LRP1B: variants seen among roughly 807,000 people sequenced by gnomAD.
The protein encoded by LRP1B is low-density lipoprotein receptor-related protein 1B.
Under a neutral mutation model 556.6 loss-of-function variants are expected in LRP1B, and 217 were observed. The observed-to-expected ratio is 0.39, with a 90% CI of 0.35 to 0.44. LRP1B has a LOEUF of 0.44. Ranked by LOEUF, LRP1B falls within the 20% of genes least tolerant of loss-of-function variation. LRP1B has a pLI of 1.00. For missense variants in LRP1B, 5,053 were observed against 5,620.8 expected, an observed-to-expected ratio of 0.90 and a Z score of 3.23; for synonymous variants, 2,047 against 1,865.8, an observed-to-expected ratio of 1.10 and a Z score of -2.50.
rs764523206 is a variant in LRP1B, at chr2:140,364,830, G to C, written c.11009-47C>G. 4.4e-6 allele frequency: 7 copies of C among 1,578,902 alleles called. No individual in the cohort carries two copies. The East Asian group carries it at 1.6e-4, about 36-fold the overall frequency. ...AACAAAGAGATTCAGAGTAATCAGT[G>C]CCAGTCAGCAGGATCCATATTCTTC... is the stretch of plus-strand genomic sequence containing the variant. On this transcript the variant is annotated intron_variant, in intron 71 of 90. Transcript: ENST00000389484.
intron 32 of LRP1B, among the ~76,000 whole-genome samples, chr2:140,776,625 A>G (rs1490855438): frequency 6.6e-6 from 1 of 152,034 alleles, no homozygotes; most frequent in Non-Finnish European, 1.5e-5. Flanking sequence ...GTATTTGTAA[A>G]TAAATGGCAA....
chr2:140,315,121 C>T (rs2105037190), intron 82 of LRP1B, 22 bp from the exon 83 acceptor site: 1 of 1,531,866 alleles, frequency 6.5e-7, no homozygotes, highest in Non-Finnish European at 8.9e-7. Context: ...AAGAAATGTA[C>T]AAATTAGCAT....
chr2:141,828,949 G>T (rs1184604767), intron 1 of LRP1B, among the ~76,000 whole-genome samples: 1 of 152,170 alleles, frequency 6.6e-6, no homozygotes, highest in East Asian at 1.9e-4. Flanking sequence ...CCTCGGTCCA[G>T]CCACTGAACT....
At chr2:142,023,132 C>T (rs556409663) in intron 1 of LRP1B, among the ~76,000 whole-genome samples, 1 of 152,300 alleles carries the variant, frequency 6.6e-6, no homozygotes, top group African/African-American at 2.4e-5. Context: ...TTTCTATCAA[C>T]AACCTTACCC....
At chr2:141,916,932 T>G (rs78070774) in intron 1 of LRP1B, among the ~76,000 whole-genome samples, 3,155 of 152,162 alleles carry the variant, frequency 0.021, 41 homozygotes, top group Non-Finnish European at 0.031. Context: ...AAGTTGAAAT[T>G]GTAAAAAACA....
intron 25 of LRP1B, among the ~76,000 whole-genome samples, chr2:140,871,499 A>G (rs1476398033): frequency 1.3e-5 from 2 of 152,298 alleles, no homozygotes; most frequent in East Asian, 1.9e-4. Context: ...GATTAATTTT[A>G]TGAAGCAAAC....
intron 18 of LRP1B, among the ~76,000 whole-genome samples, chr2:140,956,785 G>A (rs943134700): frequency 6.6e-6 from 1 of 151,696 alleles, no homozygotes. Context: ...AGGTAAATGT[G>A]GGTTCAAATC....
intron 68 of LRP1B, among the ~76,000 whole-genome samples, chr2:140,375,845 A>G (rs1051172787): frequency 1.3e-5 from 2 of 152,112 alleles, no homozygotes; most frequent in Non-Finnish European, 2.9e-5. Flanking sequence ...TACTTGCTAT[A>G]CAATTAGATT....
chr2:141,567,253 C>A (rs1195212776), intron 2 of LRP1B, among the ~76,000 whole-genome samples: 1 of 151,422 alleles, frequency 6.6e-6, no homozygotes, highest in Non-Finnish European at 1.5e-5. Context: ...AAATTGCGAT[C>A]ATTTTTTTTT....
chr2:142,017,278 CCTTTA>C (rs1195958809), intron 1 of LRP1B, among the ~76,000 whole-genome samples: 1 of 151,892 alleles, frequency 6.6e-6, no homozygotes, highest in Non-Finnish European at 1.5e-5. Context: ...AGGTATTTTC[CCTTTA>C]CTTTATATGC....
At chr2:140,643,917 T>TG (rs1246490323) in intron 41 of LRP1B, among the ~76,000 whole-genome samples, 1 of 151,958 alleles carries the variant, frequency 6.6e-6, no homozygotes, top group African/African-American at 2.4e-5. Context: ...GTAGGAAAGG[T>TG]GGGGGGTGGA....
At chr2:142,048,640 C>T (rs1181826935) in intron 1 of LRP1B, among the ~76,000 whole-genome samples, 1 of 152,016 alleles carries the variant, frequency 6.6e-6, no homozygotes, top group Non-Finnish European at 1.5e-5. Flanking sequence ...TATGTCATTG[C>T]TACTTGTAGT....
chr2:140,326,958 T>G (rs1219436488), intron 79 of LRP1B, among the ~76,000 whole-genome samples: 1 of 152,150 alleles, frequency 6.6e-6, no homozygotes, highest in Non-Finnish European at 1.5e-5. Context: ...AGAGAATATC[T>G]AAGAAAGTAA....
chr2:142,089,610 G>A (rs1176819265), intron 1 of LRP1B, among the ~76,000 whole-genome samples: 1 of 152,172 alleles, frequency 6.6e-6, no homozygotes, highest in Non-Finnish European at 1.5e-5. Context: ...TCATGGACAA[G>A]TGTGGTCCAA....
At chr2:140,395,127 T>C (rs1684193519) in intron 66 of LRP1B, among the ~76,000 whole-genome samples, 1 of 152,220 alleles carries the variant, frequency 6.6e-6, no homozygotes. Flanking sequence ...CAATTTTTAT[T>C]GCTTAAAATA....
At chr2:141,091,840 G>T (rs1289580711) in intron 7 of LRP1B, among the ~76,000 whole-genome samples, 3 of 152,214 alleles carry the variant, frequency 2.0e-5, no homozygotes, top group Non-Finnish European at 2.9e-5. Context: ...TGTGACTGTT[G>T]TTGGGCTCTG....
chr2:141,453,135 G>T (rs1201376994), intron 3 of LRP1B, among the ~76,000 whole-genome samples: 1 of 152,004 alleles, frequency 6.6e-6, no homozygotes, highest in East Asian at 1.9e-4. Context: ...TACTCAGGAG[G>T]CTAAGGAAGG....
At chr2:141,421,824 A>G (rs911016300) in intron 3 of LRP1B, among the ~76,000 whole-genome samples, 3 of 152,158 alleles carry the variant, frequency 2.0e-5, no homozygotes, top group Admixed American at 2.0e-4. Context: ...CTCTGAACGT[A>G]CCAATGATCT....
At chr2:140,636,349 C>T (rs1023216513) in intron 41 of LRP1B, among the ~76,000 whole-genome samples, 1 of 152,090 alleles carries the variant, frequency 6.6e-6, no homozygotes, top group Non-Finnish European at 1.5e-5. Flanking sequence ...GGTCAGAAGA[C>T]ATTCATCAGC....
Sources: gnomAD v4.1 joint callset for allele counts (sites outside exome capture counted in the v4.1 genomes callset) on GRCh38, gnomAD v4.1.1 for gene constraint, MANE v1.5 for transcripts, NCBI Gene and HGNC (gene_info 2026-07-23, HGNC 2026-07-21) for gene names.